Variants in PRUNE2 observed in about 807,000 individuals in gnomAD.
PRUNE2 encodes the protein protein prune homolog 2.
A neutral mutation model predicts 252.0 loss-of-function variants in PRUNE2; 164 were observed. That is an observed-to-expected ratio of 0.65 (90% confidence interval 0.57 to 0.74). PRUNE2 has a LOEUF of 0.74. Ranked by LOEUF, PRUNE2 falls within the 30% of genes least tolerant of loss-of-function variation. PRUNE2 has a pLI of 0.00. For synonymous variants in PRUNE2, 1,292 were observed against 1,350.2 expected, an observed-to-expected ratio of 0.96 and a Z score of 0.94; for missense variants, 3,495 against 3,711.0, an observed-to-expected ratio of 0.94 and a Z score of 1.51.
intron 6 of PRUNE2, among the ~76,000 whole-genome samples, chr9:76,761,061 G>C (rs952570364): frequency 6.9e-6 from 1 of 145,774 alleles, no homozygotes; most frequent in African/African-American, 2.6e-5. Context: ...ACTCCGGCCT[G>C]GGTGACAGAC....
Position 76,878,594 on chromosome 9 carries a change from G to A in PRUNE2, c.37-24386C>T, listed in dbSNP as rs188787238. On this transcript the variant is annotated intron_variant, in intron 1 of 18. Transcript: ENST00000376718. ...TTCTGAGGAGGGGTAAGAATATTAC[G>A]TAGTCTTTAGAGATTTTCTTCCTTT... Among the ~76,000 whole-genome samples the A allele has an allele frequency of 9.9e-5, 15 of 152,234 alleles. No individual in the cohort carries two copies. In the South Asian group the frequency reaches 1.0e-3, roughly 11 times the overall value.
chr9:76,744,121 C>T lies in PRUNE2; in HGVS notation c.757-30400G>A, dbSNP rs528691103. 5.9e-5 allele frequency among the ~76,000 whole-genome samples: 9 copies of T among 152,298 alleles called. No homozygotes were observed. The South Asian group carries it at 6.2e-4, about 11-fold the overall frequency. On this transcript the variant is annotated intron_variant, in intron 6 of 18. Transcript: ENST00000376718. Reference sequence around the variant, plus strand: ...TGTTAAACAGTCAGTTCCTTCTGAACGAAATGCAAGTCATTATCTACCCAC... The same window carrying T: ...TGTTAAACAGTCAGTTCCTTCTGAATGAAATGCAAGTCATTATCTACCCAC...
chr9:76,704,107 T>C lies in PRUNE2; in HGVS notation c.7514-8A>G, dbSNP rs777320350. On this transcript the variant is annotated splice_polypyrimidine_tract_variant and splice_region_variant and intron_variant, in intron 8 of 18. Coordinates refer to ENST00000376718, the MANE Select transcript of PRUNE2 (RefSeq NM_015225.3). ...ATATTTCCTTGCTGGCACCTAGAAG[T>C]GGAAGTTGAAAGTGAGAAGAGGAGA... 1.9e-6 allele frequency: 3 copies of C among 1,566,930 alleles called. No individual in the cohort carries two copies. The South Asian group carries it at 3.6e-5, about 19-fold the overall frequency.
At chr9:76,726,148 G>C (rs920021583) in intron 6 of PRUNE2, among the ~76,000 whole-genome samples, 1 of 152,140 alleles carries the variant, frequency 6.6e-6, no homozygotes, top group Non-Finnish European at 1.5e-5. Context: ...AATGAGTCAC[G>C]ACTCCCTTTT....
rs1046372504 is a variant in PRUNE2, at chr9:76,697,132, AT to A, written c.8276+6204del. 1.1e-4 allele frequency among the ~76,000 whole-genome samples: 16 copies of A among 152,102 alleles called. 1 individual carries two copies. Among genetic ancestry groups the A allele is most frequent in the Middle Eastern group, 3.4e-3 (1 of 294 alleles). The stretch of plus-strand genomic sequence containing the variant: ...TCAAATACCAGCAATTTTCATAGAG[AT>A]TTTTTTCCCCCTAAAGCAAGCAATG... On this transcript the variant is annotated intron_variant, in intron 9 of 18. Transcript: ENST00000376718.
rs572232967 is a variant in PRUNE2, at chr9:76,662,227, C to T, written c.8277-6725G>A. On this transcript the variant is annotated intron_variant, in intron 9 of 18. Transcript: ENST00000376718. ...CTTAGGTGACTTGATGCTATTTATGCTAAATCTTTGCACCTTCTCTAATGA... is the reference window on the plus strand; with the variant it reads ...CTTAGGTGACTTGATGCTATTTATGTTAAATCTTTGCACCTTCTCTAATGA... Among the ~76,000 whole-genome samples the T allele has an allele frequency of 2.6e-5, 4 of 152,254 alleles. No homozygotes were observed. The South Asian group carries it at 8.3e-4, about 32-fold the overall frequency.
chr9:76,839,874 G>A (rs1230750425), intron 4 of PRUNE2, among the ~76,000 whole-genome samples: 1 of 152,186 alleles, frequency 6.6e-6, no homozygotes, highest in Admixed American at 6.5e-5. Context: ...GCAAAGGAAA[G>A]AATCATGTAT....
intron 6 of PRUNE2, among the ~76,000 whole-genome samples, chr9:76,812,448 T>C (rs762643436): frequency 2.6e-5 from 4 of 152,176 alleles, no homozygotes; most frequent in Non-Finnish European, 5.9e-5. Context: ...CTAAGTAAAT[T>C]ATGAATCAGA....
intron 9 of PRUNE2, among the ~76,000 whole-genome samples, chr9:76,699,057 A>AT (rs2045659243): frequency 6.3e-5 from 1 of 15,862 alleles, no homozygotes; most frequent in South Asian, 2.2e-3. Context: ...CCCTCCCTCC[A>AT]TCCCCCATGG....
intron 13 of PRUNE2, 135 bp downstream of exon 13, chr9:76,638,051 A>AC: frequency 1.6e-6 from 1 of 640,340 alleles, no homozygotes; most frequent in Admixed American, 2.5e-5. Context: ...ACATTCCTTG[A>AC]CAGAAACCTT....
At chr9:76,651,332 C>A (rs1017663413) in intron 11 of PRUNE2, among the ~76,000 whole-genome samples, 1 of 152,146 alleles carries the variant, frequency 6.6e-6, no homozygotes, top group Admixed American at 6.5e-5. Context: ...CTGCACTGCT[C>A]ATGTCGGCTC....
At chr9:76,651,534 T>G (rs1252653908) in intron 11 of PRUNE2, among the ~76,000 whole-genome samples, 2 of 152,202 alleles carry the variant, frequency 1.3e-5, no homozygotes, top group African/African-American at 4.8e-5. Context: ...ACTCTCTCGC[T>G]TTCACTTTCA....
intron 4 of PRUNE2, among the ~76,000 whole-genome samples, chr9:76,837,803 G>A (rs1187511173): frequency 4.2e-5 from 6 of 141,614 alleles, no homozygotes; most frequent in Non-Finnish European, 6.0e-5. Flanking sequence ...ACGGAGTCTT[G>A]CTCTGTCGCC....
intron 5 of PRUNE2, among the ~76,000 whole-genome samples, chr9:76,824,760 G>A (rs1589420720): frequency 6.6e-6 from 1 of 152,170 alleles, no homozygotes; most frequent in Non-Finnish European, 1.5e-5. Context: ...ACCACTGCTT[G>A]CACTACCTAC....
intron 6 of PRUNE2, among the ~76,000 whole-genome samples, chr9:76,763,555 A>G (rs1400272300): frequency 6.6e-6 from 1 of 152,236 alleles, no homozygotes; most frequent in Non-Finnish European, 1.5e-5. Context: ...CTGGGATGAC[A>G]CAAAAGTAAT....
At chr9:76,867,231 T>C (rs1194769400) in intron 1 of PRUNE2, among the ~76,000 whole-genome samples, 81 of 146,506 alleles carry the variant, frequency 5.5e-4, no homozygotes, top group Non-Finnish European at 2.6e-4. Context: ...AGCAGGTGTT[T>C]CATGCTGTTC....
At chr9:76,756,349 G>A (rs144335327) in intron 6 of PRUNE2, among the ~76,000 whole-genome samples, 1 of 152,204 alleles carries the variant, frequency 6.6e-6, no homozygotes, top group Non-Finnish European at 1.5e-5. Flanking sequence ...CGGCACCCAG[G>A]AACTGTGAAG....
At chr9:76,634,100 C>T (rs1030360843) in intron 15 of PRUNE2, among the ~76,000 whole-genome samples, 8 of 151,988 alleles carry the variant, frequency 5.3e-5, no homozygotes, top group African/African-American at 1.9e-4. Context: ...TGACTGAAGG[C>T]GACCGTCTCT....
intron 2 of PRUNE2, 128 bp from the exon 3 acceptor site, chr9:76,850,793 A>T: frequency 3.0e-6 from 2 of 668,048 alleles, no homozygotes; most frequent in South Asian, 3.9e-5. Flanking sequence ...ACCACTTGGC[A>T]TTCATAATCA....
Sources: gnomAD v4.1 joint callset for allele counts (sites outside exome capture counted in the v4.1 genomes callset) on GRCh38, gnomAD v4.1.1 for gene constraint, MANE v1.5 for transcripts, NCBI Gene and HGNC (gene_info 2026-07-23, HGNC 2026-07-21) for gene names.